ZSCAN30: variants seen among roughly 807,000 people sequenced by gnomAD.
ZSCAN30 encodes zinc finger and SCAN domain containing 30.
In ZSCAN30, 37 loss-of-function variants were observed where a neutral mutation model predicts 44.3. That is an observed-to-expected ratio of 0.84 (90% CI 0.64 to 1.10). The LOEUF is 1.10. ZSCAN30 is among the 50% of genes least tolerant of loss of function. ZSCAN30 has a pLI of 0.00. For missense variants in ZSCAN30, 549 were observed against 582.6 expected (o/e 0.94, Z 0.59); for synonymous variants, 181 against 204.6 (o/e 0.88, Z 0.98).
intron 3 of ZSCAN30, chr18:35,257,802 A>G: frequency 1.3e-6 from 1 of 758,650 alleles, no homozygotes; most frequent in South Asian, 1.4e-5. Context: ...ACAACTCTGC[A>G]GTGCAATTAT....
At chr18:35,260,936 C>T (rs1037542302) in intron 3 of ZSCAN30, 3 of 152,128 alleles carry the variant, frequency 2.0e-5, no homozygotes, top group African/African-American at 7.2e-5. Flanking sequence ...ATGCCTATGT[C>T]CTGAATGGTA....
At chr18:35,283,423 AG>A (rs891864388) in intron 1 of ZSCAN30, 10 of 152,194 alleles carry the variant, frequency 6.6e-5, no homozygotes, top group African/African-American at 2.4e-4. Flanking sequence ...CCTTTGCCTG[AG>A]TTTTGCTTGG....
chr18:35,263,287 G>A, intron 3 of ZSCAN30: 1 of 490,276 alleles, frequency 2.0e-6, no homozygotes, highest in Non-Finnish European at 3.5e-6. Context: ...AATAATTATG[G>A]GTATTAGAGA....
intron 1 of ZSCAN30, among the ~76,000 whole-genome samples, chr18:35,277,732 C>T (rs962684608): frequency 1.3e-5 from 2 of 152,148 alleles, no homozygotes; most frequent in African/African-American, 4.8e-5. Context: ...CAGACTAATA[C>T]AGTAGGCTAT....
At chr18:35,260,942 T>C (rs1419480650) in intron 3 of ZSCAN30, 1 of 152,214 alleles carries the variant, frequency 6.6e-6, no homozygotes, top group African/African-American at 2.4e-5. Flanking sequence ...ATGTCCTGAA[T>C]GGTATTACCT....
intron 1 of ZSCAN30, among the ~76,000 whole-genome samples, chr18:35,288,592 A>G (rs1196817682): frequency 6.6e-6 from 1 of 152,256 alleles, no homozygotes; most frequent in African/African-American, 2.4e-5. Context: ...AAACTGTGGT[A>G]TATACATACA....
At chr18:35,261,301 G>A (rs941362492) in intron 3 of ZSCAN30, 1 of 152,126 alleles carries the variant, frequency 6.6e-6, no homozygotes, top group Non-Finnish European at 1.5e-5. Flanking sequence ...CTCCAGCTTT[G>A]TTCTTTTTGC....
intron 3 of ZSCAN30, 84 bp from the exon 4 acceptor site, chr18:35,254,465 A>G: frequency 6.2e-7 from 1 of 1,601,964 alleles, no homozygotes; most frequent in South Asian, 1.1e-5. Flanking sequence ...AACTCAATGA[A>G]ATAGGTATTT....
intron 1 of ZSCAN30, chr18:35,281,535 C>T (rs2044456329): frequency 6.6e-6 from 1 of 152,132 alleles, no homozygotes; most frequent in Admixed American, 6.5e-5. Flanking sequence ...AAACACTTTA[C>T]CTTTGTACAT....
rs1175749744 is a variant in ZSCAN30, at chr18:35,251,277, C to T, written c.*2173G>A. Reference sequence around the variant, plus strand: ...TGGGATTGGGGGTGGTTTATACTTTCTCATTTTCTGTATTACCAACACTTA... The same window carrying T: ...TGGGATTGGGGGTGGTTTATACTTTTTCATTTTCTGTATTACCAACACTTA... On this transcript the variant is annotated 3_prime_UTR_variant, in exon 4 of 4. Coordinates refer to ENST00000333206, the MANE Select transcript of ZSCAN30 (RefSeq NM_001112734.4). 6.6e-6 allele frequency: 1 copy of T among 152,142 alleles called. No homozygotes were observed. Among genetic ancestry groups the T allele is most frequent in the African/African-American group, 2.4e-5 (1 of 41,438 alleles). 9.4% of individuals were successfully genotyped at this position (152,142 alleles called of 1,614,324 possible).
chr18:35,280,409 T>TACAC (rs1331201047), intron 1 of ZSCAN30, among the ~76,000 whole-genome samples: 1 of 149,940 alleles, frequency 6.7e-6, no homozygotes, highest in African/African-American at 2.4e-5. Flanking sequence ...AACACACACA[T>TACAC]ACACACACAC....
rs866994323 is a variant in ZSCAN30 at position 35,251,186 on chromosome 18, T to G, written c.*2264A>C. ...TAAACAGTAGTTTTACTAAAAATAC[T>G]AGGATTGGGAAAAATAAACACTAAT... On this transcript the variant is annotated 3_prime_UTR_variant, in exon 4 of 4. Coordinates refer to ENST00000333206, the MANE Select transcript of ZSCAN30 (RefSeq NM_001112734.4). 6 of 152,312 alleles carry G rather than the reference T, an allele frequency of 3.9e-5. No individual in the cohort carries two copies. The highest frequency in any genetic ancestry group is 1.4e-4 in the African/African-American group (6 of 41,560). The allele number at this position is 152,312 out of a possible 1,614,324, so 9.4% of individuals were successfully genotyped here. A position where few individuals can be genotyped will look rare whatever the true frequency, so the allele number is the denominator to read the frequency against.
chr18:35,264,432 G>A lies in ZSCAN30; in HGVS notation c.-80C>T, dbSNP rs2044104292. On this transcript the variant is annotated 5_prime_UTR_variant, in exon 2 of 4. An upstream open reading frame in the 5' UTR gains an earlier in-frame stop. Coordinates refer to ENST00000333206, the MANE Select transcript of ZSCAN30 (RefSeq NM_001112734.4). The stretch of plus-strand genomic sequence containing the variant: ...GATTTGCGTCTGAGAGATTCCTTCT[G>A]AATTCCAACTCCCCAGGACGCTCCT... 6.9e-7 allele frequency: 1 copy of A among 1,439,858 alleles called. No individual in the cohort carries two copies. Among genetic ancestry groups the A allele is most frequent in the African/African-American group, 1.4e-5 (1 of 70,658 alleles). 89.2% of individuals were successfully genotyped at this position (1,439,858 alleles called of 1,614,324 possible).
At chr18:35,280,078 C>G (rs554899015) in intron 1 of ZSCAN30, among the ~76,000 whole-genome samples, 11 of 152,024 alleles carry the variant, frequency 7.2e-5, no homozygotes, top group Admixed American at 7.2e-4. Context: ...GAGTTCAAGA[C>G]CAGCCTGGGC....
At chr18:35,282,104 T>C (rs922354115) in intron 1 of ZSCAN30, 2 of 152,214 alleles carry the variant, frequency 1.3e-5, no homozygotes, top group African/African-American at 4.8e-5. Flanking sequence ...GGCAATGATA[T>C]ACACCCAGCT....
chr18:35,272,858 G>A (rs1304885454), intron 1 of ZSCAN30, among the ~76,000 whole-genome samples: 1 of 152,212 alleles, frequency 6.6e-6, no homozygotes, highest in Non-Finnish European at 1.5e-5. Flanking sequence ...TGAAAGGCAT[G>A]TCTCACATGA....
intron 1 of ZSCAN30, among the ~76,000 whole-genome samples, chr18:35,274,065 G>C (rs2044329306): frequency 6.6e-6 from 1 of 152,158 alleles, no homozygotes; most frequent in Non-Finnish European, 1.5e-5. Flanking sequence ...GCTCAGGCTG[G>C]AGTGCAGTGG....
chr18:35,256,542 G>A (rs2043824635), intron 3 of ZSCAN30, among the ~76,000 whole-genome samples: 1 of 151,094 alleles, frequency 6.6e-6, no homozygotes, highest in South Asian at 2.1e-4. Flanking sequence ...GAACAAGACT[G>A]TCTCAAAAAG....
intron 1 of ZSCAN30, among the ~76,000 whole-genome samples, chr18:35,271,774 G>A (rs941345328): frequency 3.9e-5 from 6 of 152,340 alleles, no homozygotes; most frequent in South Asian, 2.1e-4. Context: ...TGGGCATGGC[G>A]GGCTGCAGGT....
Sources: allele counts gnomAD v4.1 joint callset (sites outside exome capture counted in the v4.1 genomes callset), GRCh38; gene constraint gnomAD v4.1.1; transcripts MANE v1.5; gene names NCBI Gene and HGNC (gene_info 2026-07-23, HGNC 2026-07-21).